Variants in C10orf90 observed in about 807,000 individuals in gnomAD.
C10orf90 encodes the protein chromosome 10 open reading frame 90, also known as (E2-independent) E3 ubiquitin-conjugating enzyme FATS.
Under a neutral mutation model 62.5 loss-of-function variants are expected in C10orf90, and 56 were observed. The ratio of observed to expected loss-of-function variants is 0.90; its 90% CI spans 0.72 to 1.12. The LOEUF (loss-of-function observed/expected upper bound fraction) is 1.12, where lower values mean the gene tolerates loss of function less well. Among genes scored for constraint, C10orf90 ranks in the 50% most tolerant of loss-of-function variants. The pLI is 0.00. For synonymous variants in C10orf90, 386 were observed against 340.4 expected, an observed-to-expected ratio of 1.13 and a Z score of -1.47; for missense variants, 970 against 880.4, an observed-to-expected ratio of 1.10 and a Z score of -1.29.
chr10:126,479,303 C>G (rs1361399980), intron 4 of C10orf90, among the ~76,000 whole-genome samples: 4 of 152,160 alleles, frequency 2.6e-5, no homozygotes, highest in Non-Finnish European at 4.4e-5. Flanking sequence ...TACAATTGCA[C>G]AAATTTATCA....
intron 2 of C10orf90, among the ~76,000 whole-genome samples, chr10:126,575,684 T>C (rs1356084872): frequency 2.0e-5 from 3 of 151,946 alleles, no homozygotes; most frequent in Non-Finnish European, 4.4e-5. Context: ...CAAAATATAC[T>C]ACAAAGCTAT....
At chr10:126,461,300 T>C (rs1226328753) in intron 6 of C10orf90, 101 bp downstream of exon 6, 1 of 1,362,280 alleles carries the variant, frequency 7.3e-7, no homozygotes, top group Non-Finnish European at 1.0e-6. Context: ...TGAAATCAGG[T>C]TTCCAGCCTC....
chr10:126,459,326 C>A (rs1859797504), intron 6 of C10orf90, 109 bp from the exon 7 acceptor site: 3 of 1,250,636 alleles, frequency 2.4e-6, no homozygotes, highest in Middle Eastern at 1.9e-4. Flanking sequence ...ACTCAGAGAC[C>A]AAAAGCCACG....
At chr10:126,588,877 GC>G (rs1385316230) in intron 2 of C10orf90, among the ~76,000 whole-genome samples, 3 of 152,300 alleles carry the variant, frequency 2.0e-5, no homozygotes, top group African/African-American at 7.2e-5. Context: ...ACAGAAGTAG[GC>G]TTCAGAAGGA....
At chr10:126,569,055 C>A (rs4498886) in intron 2 of C10orf90, among the ~76,000 whole-genome samples, 1 of 151,782 alleles carries the variant, frequency 6.6e-6, no homozygotes, top group African/African-American at 2.4e-5. Flanking sequence ...TGCAGGGTGA[C>A]GTCAGCTGGC....
At chr10:126,569,085 G>C (rs1023237051) in intron 2 of C10orf90, among the ~76,000 whole-genome samples, 1 of 152,124 alleles carries the variant, frequency 6.6e-6, no homozygotes, top group Admixed American at 6.5e-5. Context: ...TGCAAGTCAG[G>C]CTCTTCAAGA....
At chr10:126,588,613 T>TAAAAG (rs1369742907) in intron 2 of C10orf90, among the ~76,000 whole-genome samples, 2 of 151,892 alleles carry the variant, frequency 1.3e-5, no homozygotes, top group African/African-American at 4.8e-5. Context: ...GCCTGACTAT[T>TAAAAG]AAAAGAAAAG....
intron 2 of C10orf90, among the ~76,000 whole-genome samples, chr10:126,605,585 C>G (rs1845291179): frequency 6.6e-6 from 1 of 152,128 alleles, no homozygotes; most frequent in African/African-American, 2.4e-5. Context: ...AGCTCCTAGC[C>G]CCTAGCTCTG....
chr10:126,611,391 G>T (rs146855891), intron 2 of C10orf90, among the ~76,000 whole-genome samples: 1 of 152,120 alleles, frequency 6.6e-6, no homozygotes, highest in African/African-American at 2.4e-5. Flanking sequence ...TTATTGATCC[G>T]TTTATCAGTT....
chr10:126,542,624 G>T (rs1285157236), intron 2 of C10orf90, among the ~76,000 whole-genome samples: 3 of 152,170 alleles, frequency 2.0e-5, no homozygotes, highest in Non-Finnish European at 4.4e-5. Flanking sequence ...CTTTAAAACA[G>T]TTAATTTCGT....
At chr10:126,551,529 GA>G (rs945650882) in intron 2 of C10orf90, among the ~76,000 whole-genome samples, 15 of 150,772 alleles carry the variant, frequency 9.9e-5, no homozygotes, top group East Asian at 3.9e-4. Context: ...GTGAGTGTGG[GA>G]AAAAAAAATT....
intron 2 of C10orf90, among the ~76,000 whole-genome samples, chr10:126,584,404 TCTGTCCAC>T (rs1333705373): frequency 6.6e-6 from 1 of 151,972 alleles, no homozygotes; most frequent in African/African-American, 2.4e-5. Context: ...CACCTGCCTG[TCTGTCCAC>T]CTGTCCACCT....
At chr10:126,623,124 T>C (rs1845678572) in intron 2 of C10orf90, among the ~76,000 whole-genome samples, 1 of 152,268 alleles carries the variant, frequency 6.6e-6, no homozygotes, top group East Asian at 1.9e-4. Flanking sequence ...CTGCATGTCA[T>C]TGCAGACTTC....
intron 2 of C10orf90, chr10:126,522,612 A>C (rs1418862961): frequency 6.6e-6 from 1 of 152,236 alleles, no homozygotes; most frequent in Non-Finnish European, 1.5e-5. Context: ...CACACCTGCT[A>C]AACGCTGGAC....
chr10:126,510,594 C>T lies in C10orf90; in HGVS notation c.405+3254G>A, dbSNP rs79873483. 5.5e-3 allele frequency among the ~76,000 whole-genome samples: 842 copies of T among 152,246 alleles called. 10 individuals are homozygous for T. Among genetic ancestry groups the T allele is most frequent in the African/African-American group, 0.019 (785 of 41,540 alleles). ...CATTGGAGAGAGGTCAGATGAGTGGCTGGGTTTTGTGTCTTGCTTTGGTGA... is the reference window on the plus strand; with the variant it reads ...CATTGGAGAGAGGTCAGATGAGTGGTTGGGTTTTGTGTCTTGCTTTGGTGA... On this transcript the variant is annotated intron_variant, in intron 3 of 9. Transcript: ENST00000488181.
At chr10:126,645,298 T>G (rs1846147290) in intron 2 of C10orf90, among the ~76,000 whole-genome samples, 1 of 148,238 alleles carries the variant, frequency 6.7e-6, no homozygotes, top group Non-Finnish European at 1.5e-5. Flanking sequence ...CTGGGTGCAG[T>G]GGCTCATGCC....
At chr10:126,565,274 ATTATATTATATATTATATAT>A (rs1844338369) in intron 2 of C10orf90, among the ~76,000 whole-genome samples, 1 of 38,354 alleles carries the variant, frequency 2.6e-5, no homozygotes, top group East Asian at 7.1e-4. Context: ...TATATTATAT[ATTATATTATATATTATATAT>A]TTATATTATA....
chr10:126,552,858 G>T (rs571315581), intron 2 of C10orf90, among the ~76,000 whole-genome samples: 5 of 152,188 alleles, frequency 3.3e-5, no homozygotes. Flanking sequence ...AGGGTTATGA[G>T]AATTAATGAA....
intron 2 of C10orf90, among the ~76,000 whole-genome samples, chr10:126,562,061 C>A (rs963306535): frequency 6.6e-6 from 1 of 152,184 alleles, no homozygotes. Context: ...GTGCTGACAG[C>A]GTTCTCTCCC....
Sources: allele counts gnomAD v4.1 joint callset (sites outside exome capture counted in the v4.1 genomes callset), GRCh38; gene constraint gnomAD v4.1.1; transcripts MANE v1.5; gene names NCBI Gene and HGNC (gene_info 2026-07-23, HGNC 2026-07-21).